Variants in CHD2 observed in about 807,000 individuals in gnomAD.
The protein encoded by CHD2 is chromodomain helicase DNA binding protein 2.
CHD2 carries 28 observed loss-of-function variants against 243.9 expected under a neutral mutation model. The ratio of observed to expected loss-of-function variants is 0.11; its 90% CI spans 0.09 to 0.16. The LOEUF is 0.16. Ranked by LOEUF, CHD2 falls within the 10% of genes least tolerant of loss-of-function variation. The pLI is 1.00. For missense variants in CHD2, 1,386 were observed against 2,209.8 expected (o/e 0.63, Z 7.47); for synonymous variants, 775 against 779.0 (o/e 0.99, Z 0.09).
At position 92,998,220 on chromosome 15, in the gene CHD2, A is replaced by G; in HGVS notation, c.3886-279A>G. The G allele has an allele frequency of 9.1e-7, 1 of 1,093,958 alleles. No individual in the cohort carries two copies. Among genetic ancestry groups the G allele is most frequent in the Non-Finnish European group, 1.1e-6 (1 of 898,230 alleles). The allele number at this position is 1,093,958 out of a possible 1,614,324, so 67.8% of individuals were successfully genotyped here. A position where few individuals can be genotyped will look rare whatever the true frequency, so the allele number is the denominator to read the frequency against. On this transcript the variant is annotated intron_variant, in intron 30 of 38. Transcript: ENST00000394196. The surrounding 1 kb of genome is among the most constrained non-coding windows in gnomAD (Gnocchi z 5.1). ...GGATGCTCTAGCAGATGAAGCCACA[A>G]GCCCCTCCTACCTGAGTTGTTCTAC... is the stretch of plus-strand genomic sequence containing the variant.
chr15:92,933,024 G>A (rs957219009), intron 5 of CHD2, among the ~76,000 whole-genome samples: 1 of 146,648 alleles, frequency 6.8e-6, no homozygotes, highest in Non-Finnish European at 1.5e-5. Context: ...CTTATAAGAT[G>A]AGCCACCGCG....
At chr15:92,939,865 T>G (rs2053329443) in intron 7 of CHD2, 147 bp downstream of exon 7, 1 of 889,130 alleles carries the variant, frequency 1.1e-6, no homozygotes, top group Non-Finnish European at 1.7e-6. Context: ...CTGGTTAGCT[T>G]TCTTGCAAAA....
chr15:92,989,199 T>G (rs998369340), intron 26 of CHD2, among the ~76,000 whole-genome samples: 3 of 151,938 alleles, frequency 2.0e-5, no homozygotes, highest in African/African-American at 7.3e-5. Flanking sequence ...GCCCAGCTAA[T>G]TTTTATATTT....
chr15:92,935,223 A>G (rs867228933), intron 5 of CHD2, among the ~76,000 whole-genome samples: 1 of 151,944 alleles, frequency 6.6e-6, no homozygotes, highest in Admixed American at 6.6e-5. Flanking sequence ...TTTTTAGTAG[A>G]TACGGGGTTT....
intron 38 of CHD2, among the ~76,000 whole-genome samples, chr15:93,023,723 A>G (rs2054560996): frequency 6.7e-6 from 1 of 149,404 alleles, no homozygotes; most frequent in Non-Finnish European, 1.5e-5. Flanking sequence ...GGTGTGAAGT[A>G]GTCTCATTGT....
chr15:92,905,157 C>CT, intron 2 of CHD2: 1 of 722,044 alleles, frequency 1.4e-6, no homozygotes, highest in Non-Finnish European at 2.2e-6. Context: ...GAAAACTACT[C>CT]TTTTAAGTGT....
Position 92,981,822 on chromosome 15 carries a change from A to G in CHD2, c.3066+365A>G, listed in dbSNP as rs779715190. Among the ~76,000 whole-genome samples, 5 of 152,220 alleles carry G rather than the reference A, an allele frequency of 3.3e-5. No homozygotes were observed. The South Asian group carries it at 6.2e-4, about 19-fold the overall frequency. ...AAAGATAGGAAAAGAGTAGATGACAATTAGAAGGTTCTGATGACTTGGTGA... is the reference window on the plus strand; with the variant it reads ...AAAGATAGGAAAAGAGTAGATGACAGTTAGAAGGTTCTGATGACTTGGTGA... On this transcript the variant is annotated intron_variant, in intron 24 of 38. Coordinates refer to ENST00000394196, the MANE Select transcript of CHD2 (RefSeq NM_001271.4).
chr15:92,971,933 T>C lies in CHD2; in HGVS notation c.2352+6T>C. 6.2e-7 allele frequency: 1 copy of C among 1,600,354 alleles called. No individual in the cohort carries two copies. The highest frequency in any genetic ancestry group is 8.5e-7 in the Non-Finnish European group (1 of 1,175,808). On this transcript the variant is annotated splice_donor_region_variant and intron_variant, in intron 18 of 38. Coordinates refer to ENST00000394196, the MANE Select transcript of CHD2 (RefSeq NM_001271.4). ...ATGGACAGGAGATTCTTCTGGTAGGTAGTTCCTCATAATTACTTTCTCAAA... is the reference window on the plus strand; with the variant it reads ...ATGGACAGGAGATTCTTCTGGTAGGCAGTTCCTCATAATTACTTTCTCAAA...
intron 17 of CHD2, among the ~76,000 whole-genome samples, chr15:92,969,558 G>T (rs1459435111): frequency 3.3e-5 from 5 of 152,196 alleles, no homozygotes; most frequent in Non-Finnish European, 1.5e-5. Context: ...TGAGGAAATG[G>T]TATTTGGAGA....
Position 93,002,077 on chromosome 15 carries a change from A to G in CHD2, c.4138-100A>G. 6 of 1,451,372 alleles carry G rather than the reference A, an allele frequency of 4.1e-6. No homozygotes were observed. The South Asian group carries it at 8.7e-5, about 21-fold the overall frequency. 89.9% of individuals were successfully genotyped at this position (1,451,372 alleles called of 1,614,324 possible). Reference sequence around the variant, plus strand: ...CTTGAAAACAAGCTTCTAAGTATAGACAGTGATGAACCACTGGGGGCAGTG... The same window carrying G: ...CTTGAAAACAAGCTTCTAAGTATAGGCAGTGATGAACCACTGGGGGCAGTG... On this transcript the variant is annotated intron_variant, in intron 32 of 38. Coordinates refer to ENST00000394196, the MANE Select transcript of CHD2 (RefSeq NM_001271.4).
chr15:92,974,653 C>T (rs1315121020), intron 19 of CHD2: 11 of 437,298 alleles, frequency 2.5e-5, no homozygotes, highest in African/African-American at 2.1e-4. Context: ...ACCTGGACAG[C>T]CCTTTGAATC....
At chr15:92,981,267 G>A in intron 23 of CHD2, 98 bp from the exon 24 acceptor site, 1 of 781,304 alleles carries the variant, frequency 1.3e-6, no homozygotes, top group Non-Finnish European at 2.1e-6. Flanking sequence ...TGGTTTATTT[G>A]CACCAAACAT....
intron 14 of CHD2, among the ~76,000 whole-genome samples, 199 bp from the exon 15 acceptor site, chr15:92,955,224 C>T (rs1417161933): frequency 2.0e-5 from 3 of 152,010 alleles, no homozygotes; most frequent in South Asian, 2.1e-4. Context: ...TTTTGCTGTT[C>T]GGTGGTCAGT....
chr15:93,023,154 C>G (rs2141759114), intron 38 of CHD2, among the ~76,000 whole-genome samples: 1 of 152,282 alleles, frequency 6.6e-6, no homozygotes, highest in East Asian at 1.9e-4. Flanking sequence ...CAGAGAAAAC[C>G]CTATAACCAT....
At chr15:92,901,991 C>CT (rs906316654) in intron 2 of CHD2, 4 of 384,902 alleles carry the variant, frequency 1.0e-5, no homozygotes, top group African/African-American at 8.3e-5. Flanking sequence ...CTGGAATACT[C>CT]TTAATATATA....
chr15:92,955,125 A>G (rs1269565553), intron 14 of CHD2, among the ~76,000 whole-genome samples: 1 of 152,182 alleles, frequency 6.6e-6, no homozygotes, highest in Admixed American at 6.6e-5. Context: ...GTTGAGTTCC[A>G]ATCACCAGGG....
rs2053579900 is a variant in CHD2 at position 92,953,520 on chromosome 15, G to A, written c.1666G>A (p.Ala556Thr). The part of the protein sequence containing the change: ...TSWQREFEIW[A>T]PEINVVVYIG... ...ATGGCAGAGAGAGTTTGAAATCTGG[G>A]CACCAGAGATTAACGTAGTGGTTTA... Residue 556 changes from alanine (A) to threonine (T), a missense_variant, in exon 14 of 39, where the codon GCA (alanine) becomes ACA (threonine). Physicochemically the swap from Ala to Thr is moderately conservative, Grantham distance 58. Transcript: ENST00000394196. 1 of 1,614,088 alleles carries A rather than the reference G, an allele frequency of 6.2e-7. No homozygotes were observed. Among genetic ancestry groups the A allele is most frequent in the Middle Eastern group, 1.6e-4 (1 of 6,062 alleles).
At chr15:92,914,946 TC>T (rs1427542670) in intron 2 of CHD2, 12 of 152,302 alleles carry the variant, frequency 7.9e-5, no homozygotes, top group African/African-American at 2.9e-4. Flanking sequence ...AGAGGGAACT[TC>T]CTTATGCCAG....
chr15:93,001,184 T>C (rs577063049), intron 32 of CHD2, among the ~76,000 whole-genome samples: 44 of 152,242 alleles, frequency 2.9e-4, no homozygotes, highest in African/African-American at 1.0e-3. Flanking sequence ...GTTTTAATGA[T>C]AAATGGCGAT....
Sources: allele counts gnomAD v4.1 joint callset (sites outside exome capture counted in the v4.1 genomes callset), GRCh38; gene constraint gnomAD v4.1.1; non-coding constraint Gnocchi (gnomAD v3.1); transcripts MANE v1.5; gene names NCBI Gene and HGNC (gene_info 2026-07-23, HGNC 2026-07-21).